Variants in PIK3R1 observed in about 807,000 individuals in gnomAD.
The protein encoded by PIK3R1 is phosphatidylinositol 3-kinase regulatory subunit alpha.
In PIK3R1, 29 loss-of-function variants were observed where a neutral mutation model predicts 98.0. The ratio of observed to expected loss-of-function variants is 0.30; its 90% CI spans 0.22 to 0.40. The LOEUF (loss-of-function observed/expected upper bound fraction) is 0.40, where lower values mean the gene tolerates loss of function less well. Ranked by LOEUF, PIK3R1 falls within the 10% of genes least tolerant of loss-of-function variation. The pLI is 1.00. For synonymous variants in PIK3R1, 282 were observed against 311.8 expected (o/e 0.90, Z 1.01); for missense variants, 596 against 872.7 (o/e 0.68, Z 3.99).
intron 2 of PIK3R1, among the ~76,000 whole-genome samples, chr5:68,262,386 T>TTTTA (rs1554047788): frequency 7.2e-6 from 1 of 138,552 alleles, no homozygotes; most frequent in Non-Finnish European, 1.6e-5. Flanking sequence ...TCTATAATTT[T>TTTTA]TATATATATA....
At chr5:68,219,068 T>C (rs1744001787) in intron 1 of PIK3R1, among the ~76,000 whole-genome samples, 1 of 152,192 alleles carries the variant, frequency 6.6e-6, no homozygotes, top group Non-Finnish European at 1.5e-5. Flanking sequence ...TTCATGTACA[T>C]TAAGCCACAT....
rs1198344167 is a variant in PIK3R1 at position 68,298,581 on chromosome 5, A to AT, written c.*980_*981insT. 4.3e-6 allele frequency: 1 copy of AT among 233,196 alleles called. No homozygotes were observed. Among genetic ancestry groups the AT allele is most frequent in the African/African-American group, 2.2e-5 (1 of 45,298 alleles). 14.4% of individuals were successfully genotyped at this position (233,196 alleles called of 1,614,324 possible). A position where few individuals can be genotyped will look rare whatever the true frequency, so the allele number is the denominator to read the frequency against. ...TGTACAGGATGCCAGTAAAAAAAAA[A>AT]AATGGCTTCAGAATTAAAACTATGA... On this transcript the variant is annotated 3_prime_UTR_variant, in exon 16 of 16. Coordinates refer to ENST00000521381, the MANE Select transcript of PIK3R1 (RefSeq NM_181523.3).
intron 2 of PIK3R1, among the ~76,000 whole-genome samples, chr5:68,260,772 G>T (rs551085331): frequency 1.3e-5 from 2 of 151,944 alleles, no homozygotes; most frequent in African/African-American, 4.8e-5. Flanking sequence ...TCTTCTCCCC[G>T]CAACCCCATG....
intron 5 of PIK3R1, 28 bp downstream of exon 5, chr5:68,279,761 A>G: frequency 6.2e-7 from 1 of 1,608,816 alleles, no homozygotes; most frequent in Non-Finnish European, 8.5e-7. Flanking sequence ...TGGGAACCTC[A>G]TTGAACATAC....
chr5:68,292,583 G>A (rs1051550470), intron 8 of PIK3R1: 7 of 1,479,780 alleles, frequency 4.7e-6, no homozygotes, highest in East Asian at 5.5e-5. Flanking sequence ...TGACAGAGAT[G>A]TCAGTGAAGT....
At chr5:68,257,196 A>G (rs1007195487) in intron 2 of PIK3R1, among the ~76,000 whole-genome samples, 5 of 152,236 alleles carry the variant, frequency 3.3e-5, no homozygotes, top group African/African-American at 1.2e-4. Flanking sequence ...ACGCAAGGCA[A>G]TCTGAACAGG....
At chr5:68,280,246 G>A (rs928514018) in intron 5 of PIK3R1, 3 of 462,802 alleles carry the variant, frequency 6.5e-6, no homozygotes, top group African/African-American at 5.9e-5. Flanking sequence ...AATCACACTT[G>A]AAGCTGCTCA....
intron 2 of PIK3R1, among the ~76,000 whole-genome samples, chr5:68,242,432 A>G (rs1204655922): frequency 6.6e-6 from 1 of 151,572 alleles, no homozygotes. Context: ...TATATCATCA[A>G]CCTGGGTTTA....
At chr5:68,295,787 A>T in intron 14 of PIK3R1, 1 of 489,518 alleles carries the variant, frequency 2.0e-6, no homozygotes, top group Non-Finnish European at 3.7e-6. Flanking sequence ...AAAAATAATT[A>T]TGCTTAATAT....
chr5:68,222,149 G>A (rs573128901), intron 1 of PIK3R1, among the ~76,000 whole-genome samples: 16 of 152,280 alleles, frequency 1.1e-4, no homozygotes, highest in Non-Finnish European at 2.1e-4. Flanking sequence ...TAGTGGGCAG[G>A]TATATGTAGC....
intron 2 of PIK3R1, among the ~76,000 whole-genome samples, chr5:68,263,623 C>T (rs1455749088): frequency 1.3e-5 from 2 of 152,082 alleles, no homozygotes; most frequent in Admixed American, 6.6e-5. Context: ...ACTCTGATTC[C>T]TTACACAATT....
intron 1 of PIK3R1, among the ~76,000 whole-genome samples, chr5:68,218,087 TG>T (rs1350244601): frequency 6.6e-6 from 1 of 152,112 alleles, no homozygotes; most frequent in African/African-American, 2.4e-5. Flanking sequence ...ATTTATTGAA[TG>T]TTTTTTCTTT....
intron 7 of PIK3R1, among the ~76,000 whole-genome samples, chr5:68,289,139 C>A (rs959557532): frequency 3.3e-5 from 5 of 152,166 alleles, no homozygotes; most frequent in Non-Finnish European, 5.9e-5. Context: ...GGCTGTTACA[C>A]CCGCCACAGC....
chr5:68,242,859 G>A (rs908497722), intron 2 of PIK3R1, among the ~76,000 whole-genome samples: 3 of 152,216 alleles, frequency 2.0e-5, no homozygotes, highest in Non-Finnish European at 4.4e-5. Flanking sequence ...AAGTTGGCCA[G>A]AGAAGACTGG....
At chr5:68,273,328 T>C in intron 2 of PIK3R1, 62 bp from the exon 3 acceptor site, 1 of 1,358,462 alleles carries the variant, frequency 7.4e-7, no homozygotes, top group South Asian at 1.2e-5. Flanking sequence ...ACGTCCTTCA[T>C]TGTGGTCTAA....
At position 68,227,617 on chromosome 5, in the gene PIK3R1, A is replaced by G. The variant is rs530731247; in HGVS notation, c.334+608A>G. 4.6e-5 allele frequency among the ~76,000 whole-genome samples: 7 copies of G among 152,312 alleles called. No homozygotes were observed. In the South Asian group the frequency reaches 1.2e-3, roughly 27 times the overall value. On this transcript the variant is annotated intron_variant, in intron 2 of 15. Coordinates refer to ENST00000521381, the MANE Select transcript of PIK3R1 (RefSeq NM_181523.3). ...ATGATTTGTATGGAAAAATGTAGAGAGTAATAAAATGACCACAGAACTCGG... is the reference window on the plus strand; with the variant it reads ...ATGATTTGTATGGAAAAATGTAGAGGGTAATAAAATGACCACAGAACTCGG...
At chr5:68,281,115 A>G (rs377093695) in intron 7 of PIK3R1, 109 bp downstream of exon 7, 1 of 686,362 alleles carries the variant, frequency 1.5e-6, no homozygotes, top group African/African-American at 1.8e-5. Flanking sequence ...ATGGAATTAC[A>G]GTTGGTAGTA....
At chr5:68,293,034 T>G in intron 8 of PIK3R1, 67 bp from the exon 9 acceptor site, 1 of 1,343,852 alleles carries the variant, frequency 7.4e-7, no homozygotes, top group South Asian at 1.2e-5. Flanking sequence ...AAATAGCCTA[T>G]TTTAAAAAAT....
At chr5:68,246,783 T>A (rs1188100965) in intron 2 of PIK3R1, among the ~76,000 whole-genome samples, 1 of 152,172 alleles carries the variant, frequency 6.6e-6, no homozygotes, top group Non-Finnish European at 1.5e-5. Flanking sequence ...GCCACCACGT[T>A]GTGTGTCTTT....
Sources: allele counts gnomAD v4.1 joint callset (sites outside exome capture counted in the v4.1 genomes callset), GRCh38; gene constraint gnomAD v4.1.1; transcripts MANE v1.5; gene names NCBI Gene and HGNC (gene_info 2026-07-23, HGNC 2026-07-21).